Variants in WWOX observed in about 807,000 individuals in gnomAD.
The protein encoded by WWOX is WW domain-containing oxidoreductase.
A neutral mutation model predicts 46.2 loss-of-function variants in WWOX; 69 were observed. The observed-to-expected ratio is 1.49, with a 90% confidence interval of 1.23 to 1.82. The LOEUF (loss-of-function observed/expected upper bound fraction) is 1.82. Ranked by LOEUF, WWOX falls within the 40% of genes most tolerant of loss-of-function variation. WWOX has a pLI of 0.00. For synonymous variants in WWOX, 359 were observed against 202.6 expected (o/e 1.77, Z -6.56); for missense variants, 919 against 542.6 (o/e 1.69, Z -6.89).
intron 8 of WWOX, among the ~76,000 whole-genome samples, chr16:79,010,285 A>T (rs562703364): frequency 1.3e-5 from 2 of 152,288 alleles, no homozygotes; most frequent in South Asian, 4.1e-4. Flanking sequence ...CGAGGGAGAC[A>T]CTCACATTAG....
intron 6 of WWOX, among the ~76,000 whole-genome samples, chr16:78,411,971 G>A (rs970852006): frequency 6.6e-6 from 1 of 152,200 alleles, no homozygotes; most frequent in Non-Finnish European, 1.5e-5. Flanking sequence ...AGAAGGAATT[G>A]TATCACCGAG....
At chr16:78,194,120 C>T (rs1387087452) in intron 5 of WWOX, among the ~76,000 whole-genome samples, 7 of 151,748 alleles carry the variant, frequency 4.6e-5, no homozygotes, top group East Asian at 2.0e-4. Flanking sequence ...CCTCGTGATC[C>T]GTCCGCCTCG....
chr16:78,486,693 C>T (rs1218790012), intron 8 of WWOX, among the ~76,000 whole-genome samples: 1 of 152,186 alleles, frequency 6.6e-6, no homozygotes, highest in Non-Finnish European at 1.5e-5. Flanking sequence ...TCTGCCTTAG[C>T]CTCCCGCGTA....
Position 78,967,459 on chromosome 16 carries a change from G to GTTTTTTTTTTTTTT in WWOX, c.1057-244140_1057-244127dup. Among the ~76,000 whole-genome samples, 2 of 98,348 alleles carry GTTTTTTTTTTTTTT rather than the reference G, an allele frequency of 2.0e-5. 1 individual carries two copies. Among genetic ancestry groups the GTTTTTTTTTTTTTT allele is most frequent in the Non-Finnish European group, 3.8e-5 (2 of 52,302 alleles). The allele number at this position is 98,348 out of a possible 152,430, so 64.5% of individuals were successfully genotyped here. ...CCAACATGCCTGGTTAATTTTTGTG[G>GTTTTTTTTTTTTTT]TTTTTTTTTTTTTTTTTTTTTTCCT... On this transcript the variant is annotated intron_variant, in intron 8 of 8. Transcript: ENST00000566780.
At chr16:78,352,730 G>C (rs1165414025) in intron 5 of WWOX, among the ~76,000 whole-genome samples, 1 of 152,064 alleles carries the variant, frequency 6.6e-6, no homozygotes, top group African/African-American at 2.4e-5. Context: ...AACATATTGG[G>C]GTAGAGGGCA....
rs138172235 is a variant in WWOX, at chr16:78,713,859, G to A, written c.1056+281107G>A. The stretch of plus-strand genomic sequence containing the variant: ...ATTCTCTGGGGAAACAGATACCTCC[G>A]CCAGGGTCCTGATCTGAATATGATT... On this transcript the variant is annotated intron_variant, in intron 8 of 8. Transcript: ENST00000566780. Among the ~76,000 whole-genome samples, 1,117 of 152,234 alleles carry A rather than the reference G, an allele frequency of 7.3e-3. 14 individuals carry two copies. Among genetic ancestry groups the A allele is most frequent in the African/African-American group, 0.025 (1,057 of 41,530 alleles).
intron 8 of WWOX, among the ~76,000 whole-genome samples, chr16:78,842,352 A>C (rs1299458379): frequency 6.6e-6 from 1 of 151,750 alleles, no homozygotes; most frequent in Non-Finnish European, 1.5e-5. Flanking sequence ...AAAAAAATTA[A>C]ATTAGCTGGG....
intron 5 of WWOX, among the ~76,000 whole-genome samples, chr16:78,244,289 G>A (rs1221184243): frequency 6.6e-6 from 1 of 152,212 alleles, no homozygotes; most frequent in African/African-American, 2.4e-5. Context: ...TAAGGAAGTG[G>A]TCAGTGTTTA....
intron 8 of WWOX, among the ~76,000 whole-genome samples, chr16:79,089,793 A>G (rs976694629): frequency 6.6e-6 from 1 of 152,032 alleles, no homozygotes; most frequent in African/African-American, 2.4e-5. Flanking sequence ...TTCCCTTGGG[A>G]GGCTGTTCTG....
intron 8 of WWOX, among the ~76,000 whole-genome samples, chr16:78,838,216 G>T (rs1047533287): frequency 6.6e-6 from 1 of 152,086 alleles, no homozygotes. Context: ...GCAAAGCAGG[G>T]TACGTGGAGG....
At chr16:79,049,818 G>A in intron 8 of WWOX, among the ~76,000 whole-genome samples, 1 of 144,192 alleles carries the variant, frequency 6.9e-6, no homozygotes, top group South Asian at 2.3e-4. Flanking sequence ...CTGGCCGACA[G>A]AGTGAGACTC....
intron 8 of WWOX, among the ~76,000 whole-genome samples, chr16:78,811,535 C>G (rs377452898): frequency 6.6e-6 from 1 of 151,444 alleles, no homozygotes; most frequent in Non-Finnish European, 1.5e-5. Context: ...CTCTCTTTCC[C>G]CCTTTTTGTA....
At chr16:79,189,081 A>G (rs145930898) in intron 8 of WWOX, among the ~76,000 whole-genome samples, 43 of 152,306 alleles carry the variant, frequency 2.8e-4, no homozygotes, top group African/African-American at 9.6e-4. Context: ...GTGTATATAT[A>G]GAGAAAGACA....
chr16:78,999,592 A>C (rs991605620), intron 8 of WWOX, among the ~76,000 whole-genome samples: 1 of 152,218 alleles, frequency 6.6e-6, no homozygotes, highest in Non-Finnish European at 1.5e-5. Context: ...GAGACCCTTC[A>C]TGTGAAGAAA....
chr16:78,391,856 A>G (rs2082179989), intron 6 of WWOX, among the ~76,000 whole-genome samples: 1 of 152,208 alleles, frequency 6.6e-6, no homozygotes, highest in Non-Finnish European at 1.5e-5. Flanking sequence ...TCCAAAATTT[A>G]GTGGCTAAAA....
At chr16:78,781,063 A>C (rs546394061) in intron 8 of WWOX, among the ~76,000 whole-genome samples, 1 of 152,220 alleles carries the variant, frequency 6.6e-6, no homozygotes, top group East Asian at 1.9e-4. Context: ...GCAACCTCAA[A>C]ACAGAAGCCT....
At chr16:78,344,176 G>A (rs1476809453) in intron 5 of WWOX, among the ~76,000 whole-genome samples, 1 of 118,980 alleles carries the variant, frequency 8.4e-6, no homozygotes, top group Non-Finnish European at 2.0e-5. Flanking sequence ...GGCAGGTGCA[G>A]GGGAGAATGG....
intron 5 of WWOX, among the ~76,000 whole-genome samples, chr16:78,372,068 G>T (rs1369552542): frequency 6.6e-6 from 1 of 152,146 alleles, no homozygotes; most frequent in African/African-American, 2.4e-5. Flanking sequence ...TCACGGCTAT[G>T]CCTAATTGTG....
intron 8 of WWOX, among the ~76,000 whole-genome samples, chr16:78,857,971 G>A (rs4888869): frequency 0.73 from 110,674 of 151,986 alleles, 41,560 homozygotes; most frequent in Middle Eastern, 0.87. Context: ...CTTTTTTAGC[G>A]TTATTTTGTG....
Sources: allele counts gnomAD v4.1 joint callset (sites outside exome capture counted in the v4.1 genomes callset), GRCh38; gene constraint gnomAD v4.1.1; transcripts MANE v1.5; gene names NCBI Gene and HGNC (gene_info 2026-07-23, HGNC 2026-07-21).